Variants in CLOCK observed in about 807,000 individuals in gnomAD.
CLOCK encodes circadian locomoter output cycles protein kaput.
In CLOCK, 43 loss-of-function variants were observed where a neutral mutation model predicts 118.4. The observed-to-expected ratio is 0.36, with a 90% CI of 0.28 to 0.47. The LOEUF is 0.47. CLOCK is among the 20% of genes least tolerant of loss of function. The pLI, the probability that CLOCK is intolerant of heterozygous loss-of-function variation, is 1.00. For synonymous variants in CLOCK, 326 were observed against 339.2 expected (o/e 0.96, Z 0.43); for missense variants, 846 against 999.9 (o/e 0.85, Z 2.08).
Position 55,433,502 on chromosome 4 carries a change from CT to C in CLOCK, c.*1912del, listed in dbSNP as rs1457501284. On this transcript the variant is annotated 3_prime_UTR_variant, in exon 23 of 23. Coordinates refer to ENST00000513440, the MANE Select transcript of CLOCK (RefSeq NM_004898.4). ...AGAACTGGCTTAGCATTCCCCTGAC[CT>C]CTTTACCTAGCAATTCTGCATTAGG... The C allele has an allele frequency of 6.6e-6, 1 of 152,210 alleles. No homozygotes were observed. The highest frequency in any genetic ancestry group is 1.5e-5 in the Non-Finnish European group (1 of 68,026). 9.4% of individuals were successfully genotyped at this position (152,210 alleles called of 1,614,324 possible). A position where few individuals can be genotyped will look rare whatever the true frequency, so the allele number is the denominator to read the frequency against.
At chr4:55,504,882 T>C (rs1728698371) in intron 2 of CLOCK, among the ~76,000 whole-genome samples, 1 of 152,144 alleles carries the variant, frequency 6.6e-6, no homozygotes, top group African/African-American at 2.4e-5. Context: ...ACTTATTAAA[T>C]CCAGCAAAGA....
chr4:55,449,414 C>T lies in CLOCK; in HGVS notation c.1431G>A (p.Arg477=). 6.2e-7 allele frequency: 1 copy of T among 1,613,834 alleles called. No individual in the cohort carries two copies. Among genetic ancestry groups the T allele is most frequent in the South Asian group, 1.1e-5 (1 of 91,078 alleles). ...AGCTTACCTGACTACTAAATGATGA[C>T]CTTCTTTGCACCATCTTCTCATGAG... is the stretch of plus-strand genomic sequence containing the variant. ...LPAHEKMVQR[R]SSFSSQSINS... Residue 477 remains arginine, a synonymous_variant, in exon 17 of 23, where the codon AGG becomes AGA. Coordinates refer to ENST00000513440, the MANE Select transcript of CLOCK (RefSeq NM_004898.4).
At chr4:55,488,737 C>CT (rs1447565954) in intron 3 of CLOCK, among the ~76,000 whole-genome samples, 13 of 152,080 alleles carry the variant, frequency 8.5e-5, no homozygotes, top group African/African-American at 2.9e-4. Flanking sequence ...CCACATTATC[C>CT]TTTTTTTTGT....
chr4:55,523,477 G>A (rs1042726772), intron 1 of CLOCK, among the ~76,000 whole-genome samples: 1 of 137,572 alleles, frequency 7.3e-6, no homozygotes, highest in African/African-American at 2.5e-5. Context: ...ATTTATACGA[G>A]AATAAAGGGA....
At chr4:55,442,726 T>C in intron 20 of CLOCK, 92 bp from the exon 21 acceptor site, 1 of 1,121,550 alleles carries the variant, frequency 8.9e-7, no homozygotes, top group South Asian at 1.3e-5. Context: ...AATATGACAA[T>C]ATGACAGAGA....
In CLOCK at chr4:55,435,350, C is replaced by T; in HGVS notation, c.*65G>A. ...GGAACTTTCCCTCCTTTCCTCAGGT[C>T]ATCTGAGTAACTCTTAATGGGCCAT... On this transcript the variant is annotated 3_prime_UTR_variant, in exon 23 of 23. Transcript: ENST00000513440. The T allele has an allele frequency of 6.3e-7, 1 of 1,578,816 alleles. No individual in the cohort carries two copies. Among genetic ancestry groups the T allele is most frequent in the Non-Finnish European group, 8.7e-7 (1 of 1,149,398 alleles).
At chr4:55,518,706 C>A (rs1272954039) in intron 1 of CLOCK, among the ~76,000 whole-genome samples, 6 of 152,162 alleles carry the variant, frequency 3.9e-5, no homozygotes, top group Non-Finnish European at 1.5e-5. Flanking sequence ...AACAAGGCAC[C>A]AGAATGGGCC....
chr4:55,438,170 C>T, intron 22 of CLOCK, 112 bp downstream of exon 22: 2 of 1,343,618 alleles, frequency 1.5e-6, no homozygotes, highest in Non-Finnish European at 1.0e-6. Flanking sequence ...TTAAACTGTA[C>T]AATAAGCTTT....
chr4:55,461,620 G>A (rs1725351374), intron 9 of CLOCK, among the ~76,000 whole-genome samples: 1 of 152,106 alleles, frequency 6.6e-6, no homozygotes, highest in Non-Finnish European at 1.5e-5. Flanking sequence ...TAGGAAATCT[G>A]CAGGTCAGGT....
chr4:55,518,502 C>G (rs111544323), intron 1 of CLOCK, among the ~76,000 whole-genome samples: 82 of 152,316 alleles, frequency 5.4e-4, no homozygotes, highest in African/African-American at 1.7e-3. Context: ...TATATCAGTG[C>G]TATGGTCTAA....
intron 18 of CLOCK, among the ~76,000 whole-genome samples, 174 bp downstream of exon 18, chr4:55,448,605 T>G: frequency 3.6e-5 from 1 of 27,400 alleles, no homozygotes; most frequent in Non-Finnish European, 6.5e-5. Flanking sequence ...CGCGCGCGTG[T>G]GTGTGTGTGT....
At chr4:55,523,680 T>C (rs1729984875) in intron 1 of CLOCK, among the ~76,000 whole-genome samples, 2 of 152,102 alleles carry the variant, frequency 1.3e-5, no homozygotes, top group African/African-American at 4.8e-5. Flanking sequence ...CTCTAATACC[T>C]CTCCAGATAC....
intron 1 of CLOCK, among the ~76,000 whole-genome samples, chr4:55,531,169 A>G (rs1235642762): frequency 1.3e-5 from 2 of 152,172 alleles, no homozygotes; most frequent in Admixed American, 6.5e-5. Flanking sequence ...ATGAAGTACA[A>G]GAAGAAATAA....
At chr4:55,468,306 C>G (rs894072279) in intron 8 of CLOCK, among the ~76,000 whole-genome samples, 1 of 152,038 alleles carries the variant, frequency 6.6e-6, no homozygotes, top group Non-Finnish European at 1.5e-5. Context: ...AATATTTATA[C>G]CATGAGCTCC....
At chr4:55,488,845 G>C (rs901080656) in intron 3 of CLOCK, among the ~76,000 whole-genome samples, 2 of 152,048 alleles carry the variant, frequency 1.3e-5, no homozygotes, top group Non-Finnish European at 2.9e-5. Context: ...AAGTCCTCCT[G>C]CCTCAGCCTC....
chr4:55,544,185 CACACACACACACA>C (rs2110130653), intron 1 of CLOCK, among the ~76,000 whole-genome samples: 1 of 152,126 alleles, frequency 6.6e-6, no homozygotes, highest in African/African-American at 2.4e-5. Flanking sequence ...CACACACACA[CACACACACACACA>C]CCCCAATTTA....
At chr4:55,526,425 A>T (rs1730191938) in intron 1 of CLOCK, among the ~76,000 whole-genome samples, 1 of 152,232 alleles carries the variant, frequency 6.6e-6, no homozygotes, top group African/African-American at 2.4e-5. Flanking sequence ...GGACAACCAC[A>T]TATCATGATA....
rs1655188751 is a variant in CLOCK, at chr4:55,479,812, T to A, written c.48-113A>T. 4 of 808,712 alleles carry A rather than the reference T, an allele frequency of 4.9e-6. No individual in the cohort carries two copies. In the South Asian group the frequency reaches 5.8e-5, roughly 12 times the overall value. 50.1% of individuals were successfully genotyped at this position (808,712 alleles called of 1,614,324 possible). The stretch of plus-strand genomic sequence containing the variant: ...CTATGATTTTTGTAAAGTTAATGAG[T>A]TATAACATTCAAACTACTAACCTAT... On this transcript the variant is annotated intron_variant, in intron 4 of 22. Transcript: ENST00000513440.
Position 55,430,908 on chromosome 4 carries a change from C to T in CLOCK, c.*4507G>A, listed in dbSNP as rs897758506. On this transcript the variant is annotated 3_prime_UTR_variant, in exon 23 of 23. Transcript: ENST00000513440. ...CATCTACAATCTCTTGACTCCACCA[C>T]ATTCAAAACAAAAATCAAAGTTCAT... 5.9e-5 allele frequency: 9 copies of T among 152,190 alleles called. No homozygotes were observed. Among genetic ancestry groups the T allele is most frequent in the Non-Finnish European group, 1.2e-4 (8 of 68,016 alleles). 9.4% of individuals were successfully genotyped at this position (152,190 alleles called of 1,614,324 possible). A position where few individuals can be genotyped will look rare whatever the true frequency, so the allele number is the denominator to read the frequency against.
Sources: allele counts gnomAD v4.1 joint callset (sites outside exome capture counted in the v4.1 genomes callset), GRCh38; gene constraint gnomAD v4.1.1; transcripts MANE v1.5; gene names NCBI Gene and HGNC (gene_info 2026-07-23, HGNC 2026-07-21).